The following ABCB11 variants were observed in gnomAD, a reference collection of about 807,000 sequenced individuals.
ABCB11 encodes the protein bile salt export pump.
ABCB11 carries 95 observed loss-of-function variants against 148.0 expected under a neutral mutation model. The observed-to-expected ratio is 0.64, with a 90% CI of 0.54 to 0.76. ABCB11 has a LOEUF of 0.76. Ranked by LOEUF, ABCB11 falls within the 30% of genes least tolerant of loss-of-function variation. ABCB11 has a pLI of 0.00. For missense variants in ABCB11, 1,523 were observed against 1,617.8 expected (o/e 0.94, Z 1.01); for synonymous variants, 591 against 555.4 (o/e 1.06, Z -0.90).
At chr2:169,020,512 T>A (rs937472512) in intron 1 of ABCB11, among the ~76,000 whole-genome samples, 5 of 152,220 alleles carry the variant, frequency 3.3e-5, no homozygotes. Context: ...ATGAATATTA[T>A]TGAAAATAGT....
At chr2:168,924,081 T>A (rs1181021549) in intron 27 of ABCB11, among the ~76,000 whole-genome samples, 1 of 152,194 alleles carries the variant, frequency 6.6e-6, no homozygotes, top group Non-Finnish European at 1.5e-5. Context: ...TTACAATATT[T>A]GATGGTCTAG....
At chr2:168,938,369 A>G (rs927749755) in intron 21 of ABCB11, among the ~76,000 whole-genome samples, 2 of 152,224 alleles carry the variant, frequency 1.3e-5, no homozygotes, top group Non-Finnish European at 2.9e-5. Context: ...GACACATACT[A>G]TAGCATAGAG....
chr2:168,953,805 G>C (rs1284773805), intron 19 of ABCB11, among the ~76,000 whole-genome samples: 1 of 151,634 alleles, frequency 6.6e-6, no homozygotes, highest in African/African-American at 2.4e-5. Context: ...TGCTCACTGA[G>C]ATAAAGGGAT....
chr2:168,932,319 C>G (rs1231905563), intron 24 of ABCB11, 58 bp downstream of exon 24: 1 of 1,416,752 alleles, frequency 7.1e-7, no homozygotes. Context: ...TCATCCCTGT[C>G]CCTGCAAAGG....
At chr2:168,955,191 C>A (rs1022029672) in intron 19 of ABCB11, among the ~76,000 whole-genome samples, 1 of 151,628 alleles carries the variant, frequency 6.6e-6, no homozygotes, top group African/African-American at 2.4e-5. Context: ...TTTCAGATTT[C>A]TCTTGCATTT....
intron 5 of ABCB11, among the ~76,000 whole-genome samples, chr2:169,001,574 T>A (rs888007277): frequency 6.6e-6 from 1 of 152,132 alleles, no homozygotes; most frequent in African/African-American, 2.4e-5. Context: ...AGGGGCTTAT[T>A]ACCACCTAGC....
intron 24 of ABCB11, among the ~76,000 whole-genome samples, chr2:168,931,989 T>C (rs1691586043): frequency 6.6e-6 from 1 of 152,148 alleles, no homozygotes; most frequent in Non-Finnish European, 1.5e-5. Flanking sequence ...CCCTCATCAA[T>C]ACTTACACAT....
chr2:168,961,070 C>A (rs937895061), intron 18 of ABCB11, among the ~76,000 whole-genome samples: 3 of 151,680 alleles, frequency 2.0e-5, no homozygotes, highest in Admixed American at 6.6e-5. Flanking sequence ...TGATACCTGG[C>A]ACTTCACAGT....
chr2:168,993,649 A>G, intron 8 of ABCB11, 62 bp downstream of exon 8: 81 of 1,495,886 alleles, frequency 5.4e-5, no homozygotes, highest in Non-Finnish European at 7.4e-5. Flanking sequence ...CAAGCTTCAC[A>G]TTTTTGGCTG....
At position 168,940,489 on chromosome 2, in the gene ABCB11, G is replaced by T. The variant is rs78443665; in HGVS notation, c.2611-4056C>A. ...CCTAACTCTCTTCAATTCTAGTAAGGCTGAGAGAAGTGAGGAAGCTTTGGG... is the reference window on the plus strand; with the variant it reads ...CCTAACTCTCTTCAATTCTAGTAAGTCTGAGAGAAGTGAGGAAGCTTTGGG... On this transcript the variant is annotated intron_variant, in intron 21 of 27. Transcript: ENST00000650372. Among the ~76,000 whole-genome samples the T allele has an allele frequency of 3.2e-3, 486 of 152,156 alleles. 1 individual carries two copies. Among genetic ancestry groups the T allele is most frequent in the African/African-American group, 0.011 (464 of 41,536 alleles).
chr2:169,020,744 A>T, intron 1 of ABCB11, among the ~76,000 whole-genome samples: 1 of 152,188 alleles, frequency 6.6e-6, no homozygotes, highest in South Asian at 2.1e-4. Flanking sequence ...GTGGGAGGGG[A>T]ATGAGGAGTG....
Position 168,922,066 on chromosome 2 carries a change from G to A in ABCB11, c.*1556C>T, listed in dbSNP as rs1201783255. On this transcript the variant is annotated 3_prime_UTR_variant, in exon 28 of 28. Transcript: ENST00000650372. ...GGGTTTCACCATGTTAGCCAGGATG[G>A]TCTCAATCTCTCGACCTCATGATCC... is the stretch of plus-strand genomic sequence containing the variant. Among the ~76,000 whole-genome samples, 2 of 152,020 alleles carry A rather than the reference G, an allele frequency of 1.3e-5. No homozygotes were observed. Among genetic ancestry groups the A allele is most frequent in the African/African-American group, 2.4e-5 (1 of 41,458 alleles).
chr2:168,969,827 T>C (rs372432414), intron 15 of ABCB11, among the ~76,000 whole-genome samples: 14 of 152,190 alleles, frequency 9.2e-5, no homozygotes, highest in African/African-American at 3.4e-4. Context: ...ATTTAAACTT[T>C]TACATGTGTA....
At chr2:168,995,590 G>A in intron 6 of ABCB11, 108 bp from the exon 7 acceptor site, 1 of 1,220,360 alleles carries the variant, frequency 8.2e-7, no homozygotes, top group East Asian at 2.7e-5. Flanking sequence ...AAGGGGGAAA[G>A]TAATTCAGAA....
In ABCB11 at chr2:168,970,038, C is replaced by T. The variant is rs759178293; in HGVS notation, c.1809+7G>A. ...GACCTGTAAAATGGACTAAGACTTC[C>T]ACAAACCTTACTCAGCACTTCTTGC... On this transcript the variant is annotated splice_region_variant and intron_variant, in intron 15 of 27. Coordinates refer to ENST00000650372, the MANE Select transcript of ABCB11 (RefSeq NM_003742.4). 2 of 1,608,000 alleles carry T rather than the reference C, an allele frequency of 1.2e-6. No homozygotes were observed. The highest frequency in any genetic ancestry group is 1.7e-6 in the Non-Finnish European group (2 of 1,176,796).
At chr2:168,990,745 A>G in intron 9 of ABCB11, 56 bp downstream of exon 9, 1 of 1,603,482 alleles carries the variant, frequency 6.2e-7, no homozygotes, top group South Asian at 1.1e-5. Context: ...TGAGAGACTC[A>G]GGGTACTATG....
chr2:168,938,286 G>A (rs540932890), intron 21 of ABCB11, among the ~76,000 whole-genome samples: 2 of 152,196 alleles, frequency 1.3e-5, no homozygotes, highest in South Asian at 4.1e-4. Context: ...CAACCTGAAT[G>A]TCCACAGACA....
rs776194408 is a variant in ABCB11, at chr2:168,976,567, C to A, written c.1308+10G>T. On this transcript the variant is annotated intron_variant, in intron 12 of 27. Transcript: ENST00000650372. ...ACATTTACTATTCTGGGGAACAGAC[C>A]AGCACTCACCTTCACCTCTGGTCTG... is the stretch of plus-strand genomic sequence containing the variant. 2 of 1,491,630 alleles carry A rather than the reference C, an allele frequency of 1.3e-6. No homozygotes were observed. The highest frequency in any genetic ancestry group is 1.2e-5 in the South Asian group (1 of 84,366). The allele number at this position is 1,491,630 out of a possible 1,614,324, so 92.4% of individuals were successfully genotyped here.
Position 168,990,941 on chromosome 2 carries a change from A to G in ABCB11, c.784-16T>C. 1.2e-6 allele frequency: 2 copies of G among 1,608,350 alleles called. No homozygotes were observed. Among genetic ancestry groups the G allele is most frequent in the African/African-American group, 2.7e-5 (2 of 74,592 alleles). On this transcript the variant is annotated splice_polypyrimidine_tract_variant and intron_variant, in intron 8 of 27. Coordinates refer to ENST00000650372, the MANE Select transcript of ABCB11 (RefSeq NM_003742.4). ...TGGACACACTCTAAAAATCAAAAAG[A>G]AGAAAAGAAAATGTGAAGTCCAAGA...
Sources: gnomAD v4.1 joint callset for allele counts (sites outside exome capture counted in the v4.1 genomes callset) on GRCh38, gnomAD v4.1.1 for gene constraint, MANE v1.5 for transcripts, NCBI Gene and HGNC (gene_info 2026-07-23, HGNC 2026-07-21) for gene names.